CALHM2: variants seen among roughly 807,000 people sequenced by gnomAD.
CALHM2 encodes the protein calcium homeostasis modulator family member 2, also known as calcium homeostasis modulator protein 2.
In CALHM2, 18 loss-of-function variants were observed where a neutral mutation model predicts 20.4. The ratio of observed to expected loss-of-function variants is 0.88; its 90% CI spans 0.61 to 1.31. CALHM2 has a LOEUF of 1.31. Ranked by LOEUF, CALHM2 falls within the 50% of genes most tolerant of loss-of-function variation. CALHM2 has a pLI of 0.00. For synonymous variants in CALHM2, 193 were observed against 192.1 expected (o/e 1.00, Z -0.04); for missense variants, 411 against 435.7 (o/e 0.94, Z 0.50).
Position 103,447,546 on chromosome 10 carries a change from CCG to C in CALHM2, c.576_577del (p.Ile192MetfsTer35). ...CAGGAACACCAGGATGGCCACCACGCCGATGAGCAGCCATCCAAAGAGCTGGC... is the reference window on the plus strand; with the variant it reads ...CAGGAACACCAGGATGGCCACCACGCATGAGCAGCCATCCAAAGAGCTGGC... On this transcript the variant is annotated frameshift_variant, in exon 4 of 4. Coordinates refer to ENST00000260743, the MANE Select transcript of CALHM2 (RefSeq NM_015916.5). LOFTEE classifies it high-confidence loss of function. The C allele has an allele frequency of 6.3e-7, 1 of 1,598,572 alleles. No homozygotes were observed. The highest frequency in any genetic ancestry group is 8.5e-7 in the Non-Finnish European group (1 of 1,170,212).
rs772875400 is a variant in CALHM2, at chr10:103,449,616, C to G, written c.326G>C (p.Arg109Pro). Reference sequence around the variant, plus strand: ...CCAGGTGACAGGGGCCACAGCCGCACGTCCCAGGATGGAGCTTAGAAGGAG... The same window carrying G: ...CCAGGTGACAGGGGCCACAGCCGCAGGTCCCAGGATGGAGCTTAGAAGGAG... ...TFLLLSSILG[R>P]AAVAPVTWSV... The change falls in exon 3 of 4, where the codon CGT becomes CCT. Residue 109 changes from arginine (R) to proline (P), a missense_variant. Coordinates refer to ENST00000260743, the MANE Select transcript of CALHM2 (RefSeq NM_015916.5). 1.2e-6 allele frequency: 2 copies of G among 1,613,790 alleles called. No homozygotes were observed. Among genetic ancestry groups the G allele is most frequent in the Non-Finnish European group, 1.7e-6 (2 of 1,180,040 alleles).
Position 103,447,554 on chromosome 10 carries a change from C to G in CALHM2, c.570G>C (p.Leu190=). 2 of 1,594,246 alleles carry G rather than the reference C, an allele frequency of 1.3e-6. No homozygotes were observed. The highest frequency in any genetic ancestry group is 1.7e-6 in the Non-Finnish European group (2 of 1,167,830). ...CCAGGATGGCCACCACGCCGATGAGCAGCCATCCAAAGAGCTGGCCAGAGA... is the reference window on the plus strand; with the variant it reads ...CCAGGATGGCCACCACGCCGATGAGGAGCCATCCAAAGAGCTGGCCAGAGA... ...LRYESQLFGW[L]LIGVVAILVF... is the part of the protein sequence containing the mutation. Residue 190 remains leucine, a synonymous_variant, in exon 4 of 4, where the codon CTG becomes CTC. Transcript: ENST00000260743.
At chr10:103,447,597 G>A (rs765933495) in intron 3 of CALHM2, 29 bp from the exon 4 acceptor site, 16 of 1,543,938 alleles carry the variant, frequency 1.0e-5, no homozygotes, top group Non-Finnish European at 1.4e-5. Context: ...CAGTTCAGGA[G>A]GGGCGAGGAA....
intron 3 of CALHM2, among the ~76,000 whole-genome samples, chr10:103,448,636 G>T (rs1005701479): frequency 2.3e-4 from 35 of 151,606 alleles, no homozygotes; most frequent in African/African-American, 8.2e-4. Context: ...CAGGAGAATT[G>T]CTTGAACCCA....
chr10:103,448,720 C>CA (rs542997668), intron 3 of CALHM2, among the ~76,000 whole-genome samples: 1,906 of 127,404 alleles, frequency 0.015, 20 homozygotes, highest in Non-Finnish European at 0.024. Flanking sequence ...GACTCTGTCT[C>CA]AAAAAAAAAA....
At chr10:103,449,258 C>T (rs1242363880) in intron 3 of CALHM2, 129 bp downstream of exon 3, 1 of 810,712 alleles carries the variant, frequency 1.2e-6, no homozygotes, top group Non-Finnish European at 2.1e-6. Flanking sequence ...AGCCCTGATA[C>T]CTAACGCTAG....
Position 103,449,950 on chromosome 10 carries a change from T to C in CALHM2, c.-9A>G. 6.2e-7 allele frequency: 1 copy of C among 1,604,198 alleles called. No individual in the cohort carries two copies. On this transcript the variant is annotated 5_prime_UTR_variant, in exon 3 of 4. Transcript: ENST00000260743. ...GCGATCAGGGCTGCCATGGCGATAG[T>C]CGTGGCGGGGTGGATTGCAGGAGAG... is the stretch of plus-strand genomic sequence containing the variant.
In CALHM2 at chr10:103,447,398, G is replaced by C. The variant is rs767097382; in HGVS notation, c.726C>G (p.Leu242=). 7 of 1,613,950 alleles carry C rather than the reference G, an allele frequency of 4.3e-6. No homozygotes were observed. In the Admixed American group the frequency reaches 8.3e-5, roughly 19 times the overall value. The change falls in exon 4 of 4, where the codon CTC becomes CTG. Residue 242 remains leucine, a synonymous_variant. Coordinates refer to ENST00000260743, the MANE Select transcript of CALHM2 (RefSeq NM_015916.5). Reference sequence around the variant, plus strand: ...AGAAGCGGCGCACATTGTTGGCAGCGAGCACCCGAGAGTGCACCTCGGCCG... The same window carrying C: ...AGAAGCGGCGCACATTGTTGGCAGCCAGCACCCGAGAGTGCACCTCGGCCG... ...QRTAEVHSRV[L]AANNVRRFFG...
At position 103,449,449 on chromosome 10, in the gene CALHM2, TCTC is replaced by T. The variant is rs1564786397; in HGVS notation, c.490_492del (p.Glu164del). 1.2e-5 allele frequency: 20 copies of T among 1,613,294 alleles called. 1 individual carries two copies. Among genetic ancestry groups the T allele is most frequent in the Middle Eastern group, 1.7e-4 (1 of 6,060 alleles). On this transcript the variant is annotated inframe_deletion, in exon 3 of 4. Coordinates refer to ENST00000260743, the MANE Select transcript of CALHM2 (RefSeq NM_015916.5). Reference sequence around the variant, plus strand: ...CGGAAGTCTGACAGGTTGTCAGGGTTCTCCTTGCAGGGGAACCTGGCCAGGATT... The same window carrying T: ...CGGAAGTCTGACAGGTTGTCAGGGTTCTTGCAGGGGAACCTGGCCAGGATT...
At position 103,447,437 on chromosome 10, in the gene CALHM2, C is replaced by T. The variant is rs143953619; in HGVS notation, c.687G>A (p.Gln229=). The stretch of plus-strand genomic sequence containing the variant: ...GCACCTCGGCCGTGCGCTGGAACAG[C>T]TGGTCCTCATTGGCGCGGTACTGCG... ...YWAQYRANED[Q]LFQRTAEVHS... Residue 229 remains glutamine, a synonymous_variant, in exon 4 of 4, where the codon CAG becomes CAA. Transcript: ENST00000260743. 6,101 of 1,614,208 alleles carry T rather than the reference C, an allele frequency of 3.8e-3. 26 individuals are homozygous for T. The highest frequency in any genetic ancestry group is 4.7e-3 in the Non-Finnish European group (5,542 of 1,180,020).
chr10:103,447,084 T>G lies in CALHM2; in HGVS notation c.*68A>C. 6.9e-7 allele frequency: 1 copy of G among 1,441,468 alleles called. No homozygotes were observed. Among genetic ancestry groups the G allele is most frequent in the Non-Finnish European group, 9.4e-7 (1 of 1,062,720 alleles). The allele number at this position is 1,441,468 out of a possible 1,614,324, so 89.3% of individuals were successfully genotyped here. On this transcript the variant is annotated 3_prime_UTR_variant, in exon 4 of 4. Coordinates refer to ENST00000260743, the MANE Select transcript of CALHM2 (RefSeq NM_015916.5). ...TAAAAATCCCCTTCTGATATGGATG[T>G]GAGCAAGCAGTGGGGTTCAGTTTGG...
In CALHM2 at chr10:103,447,577, A is replaced by G; in HGVS notation, c.556-9T>C. On this transcript the variant is annotated splice_polypyrimidine_tract_variant and intron_variant, in intron 3 of 3. Transcript: ENST00000260743. The stretch of plus-strand genomic sequence containing the variant: ...AGCAGCCATCCAAAGAGCTGGCCAG[A>G]GAATGGGCACAGTTCAGGAGGGGCG... The G allele has an allele frequency of 6.3e-7, 1 of 1,580,580 alleles. No individual in the cohort carries two copies.
intron 2 of CALHM2, 58 bp from the exon 3 acceptor site, chr10:103,450,157 G>A (rs2032910582): frequency 3.4e-6 from 2 of 590,810 alleles, no homozygotes; most frequent in Non-Finnish European, 6.0e-6. Context: ...TGAGGAAGAT[G>A]CTAGTGTGGA....
At position 103,450,066 on chromosome 10, in the gene CALHM2, A is replaced by G. The variant is rs1373277981; in HGVS notation, c.-125T>C. ...CTGGACGGCAGGGTGTGGTTGTGCT[A>G]TTTTATCCCCAGCTGTGGTTGGCCT... On this transcript the variant is annotated 5_prime_UTR_variant, in exon 3 of 4. Transcript: ENST00000260743. 5 of 822,010 alleles carry G rather than the reference A, an allele frequency of 6.1e-6. No individual in the cohort carries two copies. In the Admixed American group the frequency reaches 7.7e-5, roughly 13 times the overall value. The allele number at this position is 822,010 out of a possible 1,614,324, so 50.9% of individuals were successfully genotyped here.
Position 103,446,827 on chromosome 10 carries a change from A to T in CALHM2, c.*325T>A, listed in dbSNP as rs534651894. 4.2e-4 allele frequency: 100 copies of T among 235,836 alleles called. No homozygotes were observed. Among genetic ancestry groups the T allele is most frequent in the African/African-American group, 2.2e-3 (98 of 44,842 alleles). 14.6% of individuals were successfully genotyped at this position (235,836 alleles called of 1,614,324 possible). On this transcript the variant is annotated 3_prime_UTR_variant, in exon 4 of 4. Coordinates refer to ENST00000260743, the MANE Select transcript of CALHM2 (RefSeq NM_015916.5). ...AACTTTATCAAAAATTTAAATATAT[A>T]AAATAAGGCCAGAGGCTGCACTGGA...
chr10:103,446,899 C>G lies in CALHM2; in HGVS notation c.*253G>C. On this transcript the variant is annotated 3_prime_UTR_variant, in exon 4 of 4. Transcript: ENST00000260743. ...TGCTGCGCTGGGTGTCCCTATGCAG[C>G]TAGATACATGTTAACTGCATAGAGT... 1 of 438,500 alleles carries G rather than the reference C, an allele frequency of 2.3e-6. No homozygotes were observed. Among genetic ancestry groups the G allele is most frequent in the Non-Finnish European group, 4.0e-6 (1 of 249,684 alleles). The allele number at this position is 438,500 out of a possible 1,614,324, so 27.2% of individuals were successfully genotyped here.
At chr10:103,448,366 C>T (rs1028075008) in intron 3 of CALHM2, among the ~76,000 whole-genome samples, 1 of 151,436 alleles carries the variant, frequency 6.6e-6, no homozygotes, top group Admixed American at 6.6e-5. Context: ...AGGCTGGTCT[C>T]GAACTCCTGA....
At chr10:103,451,023 G>T (rs556682889) in intron 2 of CALHM2, 60 bp downstream of exon 2, 9 of 152,290 alleles carry the variant, frequency 5.9e-5, no homozygotes, top group Admixed American at 2.0e-4. Flanking sequence ...GGAGACTTGG[G>T]AAGTGGATAA....
intron 3 of CALHM2, among the ~76,000 whole-genome samples, chr10:103,448,857 C>T (rs1205054788): frequency 2.0e-5 from 3 of 152,218 alleles, no homozygotes; most frequent in Non-Finnish European, 4.4e-5. Context: ...TGTCCCTTGA[C>T]CAACCTCCTC....
Sources: allele counts gnomAD v4.1 joint callset (sites outside exome capture counted in the v4.1 genomes callset), GRCh38; gene constraint gnomAD v4.1.1; transcripts MANE v1.5; gene names NCBI Gene and HGNC (gene_info 2026-07-23, HGNC 2026-07-21).